The following RTN4 variants were observed in gnomAD, a reference collection of about 807,000 sequenced individuals.
RTN4 encodes the protein reticulon-4.
A neutral mutation model predicts 90.4 loss-of-function variants in RTN4; 32 were observed. The ratio of observed to expected loss-of-function variants is 0.35; its 90% CI spans 0.27 to 0.48. The LOEUF is 0.48. Among genes scored for constraint, RTN4 ranks in the 20% least tolerant of loss-of-function variants. The pLI, the probability that RTN4 is intolerant of heterozygous loss-of-function variation, is 0.99. For synonymous variants in RTN4, 629 were observed against 552.5 expected (o/e 1.14, Z -1.94); for missense variants, 1,706 against 1,430.2 (o/e 1.19, Z -3.11).
chr2:54,995,275 C>CA (rs1679329875), intron 3 of RTN4, among the ~76,000 whole-genome samples: 1 of 151,056 alleles, frequency 6.6e-6, no homozygotes, highest in Admixed American at 6.6e-5. Flanking sequence ...AGACTCAAAA[C>CA]ACTTCTACTA....
chr2:55,033,581 C>T (rs928878837), intron 1 of RTN4, among the ~76,000 whole-genome samples: 4 of 152,112 alleles, frequency 2.6e-5, no homozygotes, highest in African/African-American at 9.7e-5. Context: ...TTAAGCACAG[C>T]GCTGACATGG....
chr2:55,066,975 T>C (rs1668404931), intron 2 of RTN4, among the ~76,000 whole-genome samples: 1 of 152,198 alleles, frequency 6.6e-6, no homozygotes, highest in Non-Finnish European at 1.5e-5. Flanking sequence ...AATAAGATTA[T>C]CTATGTATAT....
chr2:54,983,603 T>TC (rs1167564667), intron 4 of RTN4, among the ~76,000 whole-genome samples: 2 of 152,094 alleles, frequency 1.3e-5, no homozygotes, highest in African/African-American at 4.8e-5. Flanking sequence ...CCCAAATATG[T>TC]CTCCTGGTTT....
intron 1 of RTN4, among the ~76,000 whole-genome samples, chr2:55,105,372 G>T (rs1420200536): frequency 2.0e-5 from 3 of 151,522 alleles, no homozygotes; most frequent in African/African-American, 4.9e-5. Flanking sequence ...TGGGATTACA[G>T]GCATTTGCCA....
chr2:55,057,177 A>G (rs1386233082), intron 2 of RTN4, among the ~76,000 whole-genome samples: 1 of 152,254 alleles, frequency 6.6e-6, no homozygotes, highest in Non-Finnish European at 1.5e-5. Flanking sequence ...CATACCTGAA[A>G]CAACTAAATA....
chr2:54,988,830 T>A (rs1002901877), intron 3 of RTN4, among the ~76,000 whole-genome samples: 2 of 152,230 alleles, frequency 1.3e-5, no homozygotes, highest in Non-Finnish European at 2.9e-5. Flanking sequence ...ACAGGGCCAC[T>A]GAGGGGATCA....
At position 55,026,796 on chromosome 2, in the gene RTN4, C is replaced by A. The variant is rs765495887; in HGVS notation, c.1303G>T (p.Glu435Ter). Residue 435 changes from glutamate (E) to a stop codon, truncating the protein, a stop_gained, in exon 3 of 9, where the codon GAA becomes TAA. Coordinates refer to ENST00000337526, the MANE Select transcript of RTN4 (RefSeq NM_020532.5). LOFTEE classifies it high-confidence loss of function. ...FADSLEQTNH[E>*]KDSESSNDDT... ...TCATTACTACTCTCACTATCTTTTT[C>A]GTGATTAGTTTGCTCAAGGCTATCT... The A allele has an allele frequency of 6.2e-7, 1 of 1,613,838 alleles. No individual in the cohort carries two copies. The highest frequency in any genetic ancestry group is 8.5e-7 in the Non-Finnish European group (1 of 1,179,832).
chr2:55,003,444 A>G (rs1679985065), intron 3 of RTN4, among the ~76,000 whole-genome samples: 1 of 152,294 alleles, frequency 6.6e-6, no homozygotes, highest in South Asian at 2.1e-4. Flanking sequence ...AATCAAACAA[A>G]CTTGAAAGCC....
intron 2 of RTN4, among the ~76,000 whole-genome samples, chr2:55,075,690 A>T (rs1027209511): frequency 1.7e-4 from 26 of 152,204 alleles, no homozygotes; most frequent in Non-Finnish European, 3.5e-4. Flanking sequence ...ACTTCAAACT[A>T]TATTACAAGG....
intron 1 of RTN4, among the ~76,000 whole-genome samples, chr2:55,040,635 G>A (rs1479958337): frequency 6.6e-6 from 1 of 152,034 alleles, no homozygotes; most frequent in Non-Finnish European, 1.5e-5. Context: ...CTGTAAATAT[G>A]TCCTGTAAGG....
In RTN4 at chr2:54,973,104, C is replaced by A; in HGVS notation, c.*52G>T. On this transcript the variant is annotated 3_prime_UTR_variant, in exon 9 of 9. Coordinates refer to ENST00000337526, the MANE Select transcript of RTN4 (RefSeq NM_020532.5). ...CTTCCCTGACCCTCCCCCGTATAAT[C>A]AAATGAATATCCCCTTTAAAGATGA... is the stretch of plus-strand genomic sequence containing the variant. 3 of 1,494,332 alleles carry A rather than the reference C, an allele frequency of 2.0e-6. No homozygotes were observed. The South Asian group carries it at 3.5e-5, about 17-fold the overall frequency. The allele number at this position is 1,494,332 out of a possible 1,614,324, so 92.6% of individuals were successfully genotyped here.
At chr2:55,104,339 G>T (rs1667904884) in intron 1 of RTN4, among the ~76,000 whole-genome samples, 1 of 151,348 alleles carries the variant, frequency 6.6e-6, no homozygotes, top group Non-Finnish European at 1.5e-5. Flanking sequence ...TTACAGGCGT[G>T]AGCCACCATG....
chr2:55,054,977 ACTT>A (rs995084386), upstream of RTN4, among the ~76,000 whole-genome samples: 7 of 152,170 alleles, frequency 4.6e-5, no homozygotes, highest in African/African-American at 1.7e-4. Flanking sequence ...TGTAAGATCA[ACTT>A]CTTCAGTCAT....
At chr2:55,065,557 T>C (rs552602553) in intron 2 of RTN4, among the ~76,000 whole-genome samples, 1 of 152,218 alleles carries the variant, frequency 6.6e-6, no homozygotes, top group East Asian at 1.9e-4. Context: ...GATTAATTCA[T>C]GTAAGGGAAT....
the RTN4 span, among the ~76,000 whole-genome samples, chr2:55,131,230 A>G: frequency 6.6e-6 from 1 of 150,776 alleles, no homozygotes; most frequent in South Asian, 2.1e-4. Context: ...TTTTTTTGAC[A>G]TAAGGTCTCA....
At chr2:54,973,222 A>G in intron 8 of RTN4, 24 bp from the exon 9 acceptor site, 1 of 1,590,144 alleles carries the variant, frequency 6.3e-7, no homozygotes, top group South Asian at 1.1e-5. Context: ...AGTCAATGTA[A>G]ATATCAGTTT....
chr2:55,041,125 T>A (rs1573456703), intron 1 of RTN4, among the ~76,000 whole-genome samples: 1 of 151,910 alleles, frequency 6.6e-6, no homozygotes, highest in Admixed American at 6.6e-5. Context: ...GACTTAGCTT[T>A]CTTTCTCAGT....
chr2:55,071,157 T>G (rs1668506114), intron 2 of RTN4, among the ~76,000 whole-genome samples: 1 of 149,984 alleles, frequency 6.7e-6, no homozygotes, highest in South Asian at 2.1e-4. Flanking sequence ...TTTCAAATTA[T>G]GCTTAGCTTC....
intron 1 of RTN4, among the ~76,000 whole-genome samples, chr2:55,031,428 C>T (rs1363728136): frequency 6.6e-6 from 1 of 152,202 alleles, no homozygotes; most frequent in Non-Finnish European, 1.5e-5. Flanking sequence ...TAAAGCCTCA[C>T]AGAAAAGGAG....
Sources: allele counts gnomAD v4.1 joint callset (sites outside exome capture counted in the v4.1 genomes callset), GRCh38; gene constraint gnomAD v4.1.1; transcripts MANE v1.5; gene names NCBI Gene and HGNC (gene_info 2026-07-23, HGNC 2026-07-21).